Variants in ZNF148 observed in about 807,000 individuals in gnomAD.
ZNF148 encodes the protein Beta-Enolase Repressor Factor-1.
Under a neutral mutation model 67.7 loss-of-function variants are expected in ZNF148, and 7 were observed. The ratio of observed to expected loss-of-function variants is 0.10; its 90% CI spans 0.06 to 0.19. The LOEUF is 0.19. Among genes scored for constraint, ZNF148 ranks in the 10% least tolerant of loss-of-function variants. ZNF148 has a pLI of 1.00. For synonymous variants in ZNF148, 333 were observed against 330.7 expected, an observed-to-expected ratio of 1.01 and a Z score of -0.08; for missense variants, 583 against 947.1, an observed-to-expected ratio of 0.62 and a Z score of 5.05.
At chr3:125,242,584 C>A (rs528632065) in intron 7 of ZNF148, among the ~76,000 whole-genome samples, 97 of 152,268 alleles carry the variant, frequency 6.4e-4, no homozygotes, top group African/African-American at 2.1e-3. Flanking sequence ...TGAGCCGAGA[C>A]TGCGCCACTG....
intron 7 of ZNF148, among the ~76,000 whole-genome samples, chr3:125,240,020 C>A (rs140040656): frequency 2.8e-4 from 43 of 152,266 alleles, no homozygotes; most frequent in African/African-American, 9.9e-4. Flanking sequence ...GATAGTTGTA[C>A]AACTCTGTGA....
At chr3:125,324,690 A>T (rs1940943188) in intron 2 of ZNF148, among the ~76,000 whole-genome samples, 1 of 152,256 alleles carries the variant, frequency 6.6e-6, no homozygotes, top group Non-Finnish European at 1.5e-5. Context: ...ATTTTACATT[A>T]GCTTATGATG....
intron 4 of ZNF148, among the ~76,000 whole-genome samples, chr3:125,292,199 T>C (rs917018544): frequency 3.9e-4 from 59 of 152,128 alleles, no homozygotes; most frequent in Non-Finnish European, 3.2e-4. Context: ...TAGGCCTGTG[T>C]GAATCACGAA....
intron 1 of ZNF148, among the ~76,000 whole-genome samples, chr3:125,341,394 G>A (rs1941718600): frequency 6.6e-6 from 1 of 150,564 alleles, no homozygotes; most frequent in African/African-American, 2.4e-5. Flanking sequence ...TGAAGCAGGA[G>A]GATCACTTCT....
intron 1 of ZNF148, among the ~76,000 whole-genome samples, chr3:125,354,724 C>T (rs539274017): frequency 1.3e-5 from 2 of 152,296 alleles, no homozygotes; most frequent in East Asian, 1.9e-4. Flanking sequence ...GCTATCATAA[C>T]TAACTTTAAT....
At chr3:125,287,676 T>A (rs1869673) in intron 5 of ZNF148, among the ~76,000 whole-genome samples, 2 of 151,970 alleles carry the variant, frequency 1.3e-5, no homozygotes, top group African/African-American at 4.8e-5. Flanking sequence ...GGATCTATTA[T>A]GTCTCCTATT....
intron 4 of ZNF148, among the ~76,000 whole-genome samples, chr3:125,291,520 T>C (rs1939011672): frequency 2.0e-5 from 3 of 152,152 alleles, no homozygotes; most frequent in Admixed American, 1.3e-4. Flanking sequence ...TCCAACCCAG[T>C]AGAGTAAAAG....
At chr3:125,329,223 A>G (rs1941162599) in intron 2 of ZNF148, among the ~76,000 whole-genome samples, 1 of 149,054 alleles carries the variant, frequency 6.7e-6, no homozygotes, top group Non-Finnish European at 1.5e-5. Flanking sequence ...TATCTGTAGT[A>G]TAAATATATG....
intron 1 of ZNF148, among the ~76,000 whole-genome samples, chr3:125,347,965 T>C (rs913509916): frequency 2.0e-5 from 3 of 152,140 alleles, no homozygotes; most frequent in East Asian, 1.9e-4. Context: ...TATACAAATA[T>C]TAACTCTAAA....
At chr3:125,261,560 T>A (rs1321286874) in intron 7 of ZNF148, among the ~76,000 whole-genome samples, 1 of 151,512 alleles carries the variant, frequency 6.6e-6, no homozygotes, top group East Asian at 1.9e-4. Context: ...TGAGGGATAG[T>A]GAAAAGGAGG....
intron 6 of ZNF148, 61 bp from the exon 7 acceptor site, chr3:125,277,870 G>GTTTCTGAGGAAAGAAAAATCTTAGATGCC: frequency 1.5e-6 from 2 of 1,366,956 alleles, no homozygotes; most frequent in Non-Finnish European, 9.8e-7. Flanking sequence ...TTTAGTTACT[G>GTTTCTGAGGAAAGAAAAATCTTAGATGCC]TTTCTGAGGA....
chr3:125,352,339 A>C (rs530925681), intron 1 of ZNF148, among the ~76,000 whole-genome samples: 78 of 152,342 alleles, frequency 5.1e-4, no homozygotes, highest in Admixed American at 1.0e-3. Flanking sequence ...CAGAACAGGC[A>C]AAGTCCTAGA....
intron 1 of ZNF148, chr3:125,357,641 C>G (rs1325505429): frequency 1.3e-5 from 2 of 152,478 alleles, no homozygotes; most frequent in Non-Finnish European, 2.9e-5. Flanking sequence ...CCAATCGGGC[C>G]TGGGCTGCAA....
intron 7 of ZNF148, among the ~76,000 whole-genome samples, chr3:125,255,159 A>G (rs930632088): frequency 6.6e-6 from 1 of 151,848 alleles, no homozygotes; most frequent in Admixed American, 6.6e-5. Flanking sequence ...AAGCCCCACA[A>G]TAACATTATC....
intron 4 of ZNF148, among the ~76,000 whole-genome samples, chr3:125,294,321 G>A (rs1169306052): frequency 5.3e-5 from 8 of 152,144 alleles, no homozygotes; most frequent in Admixed American, 5.2e-4. Context: ...AGGGTATTTG[G>A]AGGGAAACAT....
chr3:125,287,677 G>A (rs563640329), intron 5 of ZNF148, among the ~76,000 whole-genome samples: 12 of 152,146 alleles, frequency 7.9e-5, no homozygotes, highest in African/African-American at 2.4e-4. Flanking sequence ...GATCTATTAT[G>A]TCTCCTATTC....
rs959791201 is a variant in ZNF148, at chr3:125,299,672, C to T, written c.334-11444G>A. Among the ~76,000 whole-genome samples the T allele has an allele frequency of 6.6e-5, 10 of 152,162 alleles. 1 individual carries two copies. Among genetic ancestry groups the T allele is most frequent in the Admixed American group, 6.5e-4 (10 of 15,284 alleles). ...TGGGTCAACTCCCTAAAACAATCTA[C>T]TGGAAGAGATAATCTGATTCATCTA... On this transcript the variant is annotated intron_variant, in intron 4 of 8. Transcript: ENST00000360647.
chr3:125,371,518 G>A (rs1942884240), intron 1 of ZNF148, among the ~76,000 whole-genome samples: 2 of 151,606 alleles, frequency 1.3e-5, no homozygotes, highest in Non-Finnish European at 1.5e-5. Flanking sequence ...AATTAGCCAG[G>A]TGTGGTAGCG....
intron 7 of ZNF148, among the ~76,000 whole-genome samples, chr3:125,262,476 A>G (rs1293914425): frequency 6.6e-6 from 1 of 152,260 alleles, no homozygotes; most frequent in Non-Finnish European, 1.5e-5. Context: ...TAGGAAGTAC[A>G]TAAAACAGCA....
Sources: allele counts gnomAD v4.1 joint callset (sites outside exome capture counted in the v4.1 genomes callset), GRCh38; gene constraint gnomAD v4.1.1; transcripts MANE v1.5; gene names NCBI Gene and HGNC (gene_info 2026-07-23, HGNC 2026-07-21).